Variants in CPVL observed in about 807,000 individuals in gnomAD.
The protein encoded by CPVL is probable serine carboxypeptidase CPVL.
CPVL carries 51 observed loss-of-function variants against 63.7 expected under a neutral mutation model. That is an observed-to-expected ratio of 0.80 (90% confidence interval 0.64 to 1.01). The LOEUF (loss-of-function observed/expected upper bound fraction) is 1.01. Ranked by LOEUF, CPVL falls within the 50% of genes least tolerant of loss-of-function variation. The pLI is 0.00. For synonymous variants in CPVL, 195 were observed against 206.0 expected (o/e 0.95, Z 0.46); for missense variants, 530 against 573.1 (o/e 0.92, Z 0.77).
intron 11 of CPVL, among the ~76,000 whole-genome samples, chr7:29,056,442 C>A (rs537192316): frequency 5.3e-5 from 8 of 152,170 alleles, no homozygotes; most frequent in Non-Finnish European, 1.2e-4. Context: ...TCATACAGTA[C>A]GTAGCCTTTT....
At chr7:29,140,685 C>G (rs1791775906) in intron 1 of CPVL, among the ~76,000 whole-genome samples, 1 of 152,110 alleles carries the variant, frequency 6.6e-6, no homozygotes, top group Non-Finnish European at 1.5e-5. Context: ...TCAGGGCTTC[C>G]ATAGTCAACT....
intron 1 of CPVL, among the ~76,000 whole-genome samples, chr7:29,125,683 G>GC (rs11376905): frequency 0.022 from 3,300 of 152,006 alleles, 133 homozygotes; most frequent in African/African-American, 0.076. Flanking sequence ...GTGAGCCACC[G>GC]CCCCCGGCCT....
At chr7:29,041,702 T>A (rs1028179371) in intron 11 of CPVL, among the ~76,000 whole-genome samples, 6 of 152,216 alleles carry the variant, frequency 3.9e-5, no homozygotes, top group Non-Finnish European at 7.3e-5. Context: ...GTTAAATCTA[T>A]GGTATCGACC....
intron 11 of CPVL, among the ~76,000 whole-genome samples, chr7:29,033,792 G>C (rs1788256834): frequency 6.6e-6 from 1 of 152,202 alleles, no homozygotes; most frequent in African/African-American, 2.4e-5. Flanking sequence ...CTGGTCAGCT[G>C]TAGGCCTCTG....
chr7:29,194,665 T>C (rs2078385506), intron 1 of CPVL: 1 of 343,380 alleles, frequency 2.9e-6, no homozygotes, highest in Non-Finnish European at 5.2e-6. Flanking sequence ...CGGCTGCCCC[T>C]CGGCCTCCCT....
chr7:29,008,008 A>G (rs1785374561), intron 12 of CPVL, among the ~76,000 whole-genome samples: 1 of 152,198 alleles, frequency 6.6e-6, no homozygotes, highest in African/African-American at 2.4e-5. Flanking sequence ...TAGGAGATGT[A>G]CGTAGATGGA....
chr7:28,996,901 T>G (rs1784134055), intron 12 of CPVL, among the ~76,000 whole-genome samples: 1 of 152,226 alleles, frequency 6.6e-6, no homozygotes, highest in African/African-American at 2.4e-5. Context: ...TTTCTTCTTT[T>G]GAGTCAAGTT....
chr7:29,137,010 C>T (rs245863), intron 1 of CPVL, among the ~76,000 whole-genome samples: 97,462 of 152,018 alleles, frequency 0.64, 32,180 homozygotes, highest in East Asian at 0.85. Context: ...TTTATTGTGA[C>T]TTGCCTGGAC....
At chr7:29,007,817 C>T (rs900272355) in intron 12 of CPVL, among the ~76,000 whole-genome samples, 1 of 151,856 alleles carries the variant, frequency 6.6e-6, no homozygotes, top group African/African-American at 2.4e-5. Flanking sequence ...AGGTAGAGGC[C>T]GATTTGATTT....
At chr7:28,997,913 C>A (rs1329638074) in intron 12 of CPVL, among the ~76,000 whole-genome samples, 1 of 151,476 alleles carries the variant, frequency 6.6e-6, no homozygotes, top group African/African-American at 2.4e-5. Flanking sequence ...TTAACTCTTT[C>A]ACATGCAAAT....
intron 2 of CPVL, among the ~76,000 whole-genome samples, chr7:29,120,326 G>A (rs1789230068): frequency 6.6e-6 from 1 of 152,054 alleles, no homozygotes; most frequent in South Asian, 2.1e-4. Context: ...GGAGGCTGAG[G>A]CAGGAGAATC....
At chr7:29,062,281 G>A (rs538117181) in intron 11 of CPVL, among the ~76,000 whole-genome samples, 46 of 152,200 alleles carry the variant, frequency 3.0e-4, no homozygotes, top group African/African-American at 1.1e-3. Flanking sequence ...GTACACCTAT[G>A]GGGGTAAAGA....
intron 3 of CPVL, among the ~76,000 whole-genome samples, chr7:29,103,685 C>G (rs1282147988): frequency 1.3e-5 from 2 of 152,156 alleles, no homozygotes; most frequent in Admixed American, 1.3e-4. Context: ...ATCTTCAGGA[C>G]TGGTTACATA....
chr7:29,025,880 C>A (rs938717589), intron 12 of CPVL, among the ~76,000 whole-genome samples: 1 of 152,062 alleles, frequency 6.6e-6, no homozygotes, highest in Non-Finnish European at 1.5e-5. Context: ...TAGTCGAGGA[C>A]TTCAACAAAC....
At chr7:29,019,395 G>C (rs909826373) in intron 12 of CPVL, among the ~76,000 whole-genome samples, 5 of 152,138 alleles carry the variant, frequency 3.3e-5, no homozygotes, top group African/African-American at 1.2e-4. Flanking sequence ...CTCTTCATCG[G>C]ATCTCTGAAG....
At chr7:29,063,966 T>TAA (rs373756974) in intron 11 of CPVL, 95 bp downstream of exon 11, 1,992 of 689,996 alleles carry the variant, frequency 2.9e-3, no homozygotes, top group Middle Eastern at 4.1e-3. Context: ...TCATAAAAGT[T>TAA]AAAAAAAAAA....
At chr7:29,189,697 A>G (rs753887515) in intron 1 of CPVL, among the ~76,000 whole-genome samples, 1 of 149,440 alleles carries the variant, frequency 6.7e-6, no homozygotes, top group Non-Finnish European at 1.5e-5. Context: ...CACCCCCTAC[A>G]CTCCCCTTCT....
intron 1 of CPVL, chr7:29,191,833 T>C (rs1450763340): frequency 1.3e-5 from 2 of 152,202 alleles, no homozygotes; most frequent in Admixed American, 6.5e-5. Context: ...AGAAATACTT[T>C]AGAAGGTCCA....
At chr7:29,092,476 T>A (rs1785915511) in intron 6 of CPVL, 147 bp downstream of exon 6, 2 of 610,964 alleles carry the variant, frequency 3.3e-6, no homozygotes, top group African/African-American at 1.8e-5. Flanking sequence ...GCTCTGTGTG[T>A]GTGGATGTGA....
Sources: gnomAD v4.1 joint callset for allele counts (sites outside exome capture counted in the v4.1 genomes callset) on GRCh38, gnomAD v4.1.1 for gene constraint, MANE v1.5 for transcripts, NCBI Gene and HGNC (gene_info 2026-07-23, HGNC 2026-07-21) for gene names.